The following RIPOR3 variants were observed in gnomAD, a reference collection of about 807,000 sequenced individuals.
The protein encoded by RIPOR3 is RIPOR family member 3.
In RIPOR3, 95 loss-of-function variants were observed where a neutral mutation model predicts 114.3. The observed-to-expected ratio is 0.83, with a 90% CI of 0.70 to 0.99. The LOEUF (loss-of-function observed/expected upper bound fraction) is 0.99. Among genes scored for constraint, RIPOR3 ranks in the 50% least tolerant of loss-of-function variants. RIPOR3 has a pLI of 0.00. For missense variants in RIPOR3, 1,252 were observed against 1,266.9 expected (o/e 0.99, Z 0.18); for synonymous variants, 575 against 543.8 (o/e 1.06, Z -0.80).
intron 1 of RIPOR3, among the ~76,000 whole-genome samples, chr20:50,657,653 A>T (rs2085856717): frequency 6.6e-6 from 1 of 152,184 alleles, no homozygotes. Flanking sequence ...ATCTGCATTA[A>T]AAAAATTTCA....
At chr20:50,684,209 G>A (rs1007385366) in intron 1 of RIPOR3, among the ~76,000 whole-genome samples, 1 of 152,156 alleles carries the variant, frequency 6.6e-6, no homozygotes, top group Non-Finnish European at 1.5e-5. Context: ...ACCAGAAAAG[G>A]GATGAAGAAG....
At chr20:50,679,104 C>CAAAAAA (rs1215128742) in intron 1 of RIPOR3, among the ~76,000 whole-genome samples, 2 of 35,982 alleles carry the variant, frequency 5.6e-5, no homozygotes, top group African/African-American at 2.2e-4. Context: ...GATCCTGTCT[C>CAAAAAA]AAAAAAAAAA....
rs769233161 is a variant in RIPOR3 at position 50,589,720 on chromosome 20, T to C, written c.2627A>G (p.Gln876Arg). The C allele has an allele frequency of 5.0e-6, 8 of 1,613,832 alleles. No individual in the cohort carries two copies. The highest frequency in any genetic ancestry group is 6.8e-6 in the Non-Finnish European group (8 of 1,179,892). ...NALAENDARL[Q>R]QAACLALKHL... is the part of the protein sequence containing the mutation. The stretch of plus-strand genomic sequence containing the variant: ...TTTGAGCGCTAGGCATGCGGCCTGC[T>C]GGAGCCTTGCGTCGTTCTCTGCCAG... Residue 876 changes from glutamine to arginine, a missense_variant, in exon 20 of 22, where the codon CAG (glutamine) becomes CGG (arginine). Physicochemically the swap from Gln to Arg is conservative, Grantham distance 43 (BLOSUM62 1). Transcript: ENST00000327979.
Position 50,602,427 on chromosome 20 carries a change from G to T in RIPOR3, c.1304C>A (p.Thr435Asn), listed in dbSNP as rs752514785. Reference sequence around the variant, plus strand: ...TTCAATGGAGGCGTGGGGACCGAAGGTCAAGGGCAGGAAGCCCACATCTGA... The same window carrying T: ...TTCAATGGAGGCGTGGGGACCGAAGTTCAAGGGCAGGAAGCCCACATCTGA... ...STSDVGFLPL[T>N]FGPHASIEEE... Residue 435 changes from threonine (T) to asparagine (N), a missense_variant, in exon 13 of 22, where the codon ACC (threonine) becomes AAC (asparagine). Physicochemically the swap from Thr to Asn is moderately conservative, Grantham distance 65. Coordinates refer to ENST00000327979, the MANE Select transcript of RIPOR3 (RefSeq NM_001290268.2). The surrounding 1 kb of genome is among the most constrained non-coding windows in gnomAD (Gnocchi z 4.3). The T allele has an allele frequency of 1.4e-5, 23 of 1,598,464 alleles. No individual in the cohort carries two copies. In the South Asian group the frequency reaches 2.3e-4, roughly 16 times the overall value.
At chr20:50,620,763 C>G (rs1238170538) in intron 2 of RIPOR3, 1 of 735,390 alleles carries the variant, frequency 1.4e-6, no homozygotes, top group African/African-American at 1.8e-5. Flanking sequence ...GCAGCCATGG[C>G]TCTGCGCTAC....
intron 1 of RIPOR3, among the ~76,000 whole-genome samples, chr20:50,672,003 TGGA>T (rs2086525441): frequency 7.9e-6 from 1 of 125,968 alleles, no homozygotes; most frequent in Non-Finnish European, 1.6e-5. Context: ...GATGGATGGA[TGGA>T]TGGATGGATG....
rs2083822955 is a variant in RIPOR3 at position 50,608,699 on chromosome 20, C to A, written c.724G>T (p.Gly242Cys). Residue 242 changes from glycine to cysteine, a missense_variant, in exon 10 of 22, where the codon GGT (glycine) becomes TGT (cysteine). Physicochemically the swap from Gly to Cys is radical, Grantham distance 159. Coordinates refer to ENST00000327979, the MANE Select transcript of RIPOR3 (RefSeq NM_001290268.2). Reference sequence around the variant, plus strand: ...TGGCTGTCATCTGACTCGATCCGACCCTTGAGCTTCCAACGCTGGCGGCCC... The same window carrying A: ...TGGCTGTCATCTGACTCGATCCGACACTTGAGCTTCCAACGCTGGCGGCCC... Reference protein sequence around the residue: ...RLGRQRWKLKGRIESDDSQTW... With the variant: ...RLGRQRWKLKCRIESDDSQTW... 2 of 1,613,922 alleles carry A rather than the reference C, an allele frequency of 1.2e-6. No individual in the cohort carries two copies. Among genetic ancestry groups the A allele is most frequent in the African/African-American group, 2.7e-5 (2 of 74,930 alleles).
chr20:50,689,342 A>C (rs1449699547), intron 1 of RIPOR3, among the ~76,000 whole-genome samples: 1 of 151,848 alleles, frequency 6.6e-6, no homozygotes, highest in Non-Finnish European at 1.5e-5. Context: ...CGGCCAGCTA[A>C]TTTTTGTATT....
chr20:50,643,149 G>T (rs1406690374), intron 1 of RIPOR3, among the ~76,000 whole-genome samples: 1 of 148,792 alleles, frequency 6.7e-6, no homozygotes, highest in African/African-American at 2.5e-5. Context: ...TTGAGATGGA[G>T]TCTCGCTCTG....
At position 50,587,201 on chromosome 20, in the gene RIPOR3, T is replaced by C. The variant is rs1431110540; in HGVS notation, c.*31A>G. On this transcript the variant is annotated 3_prime_UTR_variant, in exon 22 of 22. Coordinates refer to ENST00000327979, the MANE Select transcript of RIPOR3 (RefSeq NM_001290268.2). ...GGCTGGGCAGCAGCAAAAAAAACGA[T>C]GTGAGATTTGTGCTCATCAGCCAGG... The C allele has an allele frequency of 1.9e-6, 3 of 1,562,904 alleles. No individual in the cohort carries two copies. The highest frequency in any genetic ancestry group is 2.2e-5 in the South Asian group (2 of 89,900).
chr20:50,590,696 G>C (rs2083080762), intron 19 of RIPOR3, among the ~76,000 whole-genome samples: 1 of 152,182 alleles, frequency 6.6e-6, no homozygotes. Context: ...AGGGTCCCAG[G>C]TCATGGCAGC....
At chr20:50,610,090 C>A in intron 6 of RIPOR3, among the ~76,000 whole-genome samples, 1 of 145,970 alleles carries the variant, frequency 6.9e-6, no homozygotes, top group Admixed American at 6.7e-5. Context: ...CCACCCCTGC[C>A]TCACCTGCCA....
intron 6 of RIPOR3, among the ~76,000 whole-genome samples, chr20:50,610,219 ACCTGCCTCT>A (rs1411237401): frequency 5.5e-4 from 75 of 136,044 alleles, no homozygotes; most frequent in African/African-American, 1.4e-3. Flanking sequence ...ACCCTGTCTC[ACCTGCCTCT>A]CCTGCCTCTC....
At chr20:50,682,526 G>A (rs2086890839) in intron 1 of RIPOR3, among the ~76,000 whole-genome samples, 1 of 150,726 alleles carries the variant, frequency 6.6e-6, no homozygotes, top group African/African-American at 2.4e-5. Context: ...AGGATCACCT[G>A]AGCCCAAGAA....
intron 12 of RIPOR3, among the ~76,000 whole-genome samples, chr20:50,603,379 C>T (rs2083575634): frequency 1.3e-5 from 2 of 152,338 alleles, no homozygotes; most frequent in Middle Eastern, 3.4e-3. Flanking sequence ...GCTGGGATTA[C>T]AGTGGCACTC....
intron 1 of RIPOR3, among the ~76,000 whole-genome samples, chr20:50,671,428 GCACACACACACA>G (rs1160861232): frequency 7.9e-5 from 3 of 38,158 alleles, no homozygotes; most frequent in Admixed American, 3.9e-4. Flanking sequence ...ACGCGCGCGC[GCACACACACACA>G]CACACACACA....
chr20:50,667,975 T>C (rs1050381309), intron 1 of RIPOR3, among the ~76,000 whole-genome samples: 2 of 152,140 alleles, frequency 1.3e-5, no homozygotes, highest in Non-Finnish European at 2.9e-5. Context: ...TCTGCCTGAC[T>C]AGCAGAGGAT....
intron 1 of RIPOR3, among the ~76,000 whole-genome samples, chr20:50,635,271 A>G (rs1568901213): frequency 1.3e-5 from 2 of 152,328 alleles, no homozygotes; most frequent in East Asian, 1.9e-4. Context: ...ACTGCCTGCT[A>G]CCTGCTCTGA....
chr20:50,683,332 C>G (rs935488926), intron 1 of RIPOR3, among the ~76,000 whole-genome samples: 18 of 152,002 alleles, frequency 1.2e-4, no homozygotes, highest in Non-Finnish European at 2.4e-4. Context: ...GGTTCACAGG[C>G]ATTTATCATT....
Sources: allele counts gnomAD v4.1 joint callset (sites outside exome capture counted in the v4.1 genomes callset), GRCh38; gene constraint gnomAD v4.1.1; non-coding constraint Gnocchi (gnomAD v3.1); transcripts MANE v1.5; gene names NCBI Gene and HGNC (gene_info 2026-07-23, HGNC 2026-07-21).